The following FTCDNL1 variants were observed in gnomAD, a reference collection of about 807,000 sequenced individuals.
FTCDNL1 encodes the protein formiminotransferase N-terminal subdomain-containing protein.
FTCDNL1 carries 11 observed loss-of-function variants against 5.9 expected under a neutral mutation model. That is an observed-to-expected ratio of 1.87 (90% CI 1.18 to 3.10). FTCDNL1 has a LOEUF of 3.10. Among genes scored for constraint, FTCDNL1 ranks in the 30% most tolerant of loss-of-function variants. The pLI is 0.00. For synonymous variants in FTCDNL1, 58 were observed against 24.8 expected (o/e 2.34, Z -3.99); for missense variants, 115 against 65.5 (o/e 1.76, Z -2.61).
intron 3 of FTCDNL1, among the ~76,000 whole-genome samples, chr2:199,787,363 T>A (rs1250021129): frequency 1.3e-5 from 2 of 152,060 alleles, no homozygotes; most frequent in African/African-American, 4.8e-5. Flanking sequence ...CTTGTATTTT[T>A]AGTAGAGACG....
the FTCDNL1 span, among the ~76,000 whole-genome samples, chr2:199,704,280 G>A: frequency 1.3e-5 from 2 of 152,144 alleles, no homozygotes; most frequent in Non-Finnish European, 2.9e-5. Context: ...ATAAAAGACA[G>A]AGAAAATCCA....
At chr2:199,827,844 G>C (rs1702127255) in intron 3 of FTCDNL1, among the ~76,000 whole-genome samples, 1 of 152,078 alleles carries the variant, frequency 6.6e-6, no homozygotes, top group Non-Finnish European at 1.5e-5. Flanking sequence ...TCCTAGGCTG[G>C]CATGTTCCTA....
At chr2:199,683,531 GCTGA>G in the FTCDNL1 span, among the ~76,000 whole-genome samples, 1 of 150,936 alleles carries the variant, frequency 6.6e-6, no homozygotes, top group Non-Finnish European at 1.5e-5. Context: ...GATAATCCCA[GCTGA>G]CTGAGATTTC....
chr2:199,831,041 G>C (rs1246214189), intron 3 of FTCDNL1, among the ~76,000 whole-genome samples: 1 of 152,134 alleles, frequency 6.6e-6, no homozygotes, highest in African/African-American at 2.4e-5. Flanking sequence ...GGATGCTACT[G>C]TTTACTCCAT....
intron 3 of FTCDNL1, among the ~76,000 whole-genome samples, chr2:199,771,734 T>G (rs1353709616): frequency 2.6e-5 from 4 of 152,240 alleles, no homozygotes; most frequent in Admixed American, 2.6e-4. Context: ...GCAAGCAATG[T>G]TATGATTTTC....
the FTCDNL1 span, among the ~76,000 whole-genome samples, chr2:199,715,093 T>TA: frequency 6.6e-6 from 1 of 151,756 alleles, no homozygotes. Context: ...TAAAGTATAA[T>TA]AAAAAATAAT....
the FTCDNL1 span, among the ~76,000 whole-genome samples, chr2:199,676,296 A>G: frequency 6.6e-6 from 1 of 152,094 alleles, no homozygotes; most frequent in African/African-American, 2.4e-5. Flanking sequence ...TTCTATTTTC[A>G]TTTAAATTGG....
At chr2:199,675,156 C>T in the FTCDNL1 span, among the ~76,000 whole-genome samples, 1 of 152,194 alleles carries the variant, frequency 6.6e-6, no homozygotes, top group Non-Finnish European at 1.5e-5. Context: ...GCATGATCAT[C>T]CCTATCTACC....
chr2:199,844,910 A>T (rs1398867655), intron 3 of FTCDNL1, among the ~76,000 whole-genome samples: 3 of 151,418 alleles, frequency 2.0e-5, no homozygotes, highest in Admixed American at 2.0e-4. Flanking sequence ...CACAAACATA[A>T]TTTTTTTTTA....
the FTCDNL1 span, among the ~76,000 whole-genome samples, chr2:199,697,942 C>G: frequency 3.9e-5 from 6 of 152,152 alleles, no homozygotes; most frequent in East Asian, 1.9e-4. Flanking sequence ...AAAAATCTAT[C>G]AAGCAAATGG....
the FTCDNL1 span, among the ~76,000 whole-genome samples, chr2:199,722,010 T>C: frequency 1.2e-4 from 19 of 152,352 alleles, no homozygotes; most frequent in African/African-American, 3.8e-4. Context: ...AAGTTCCTTG[T>C]AGATTCTGGA....
chr2:199,678,496 G>T, the FTCDNL1 span, among the ~76,000 whole-genome samples: 1 of 151,892 alleles, frequency 6.6e-6, no homozygotes, highest in African/African-American at 2.4e-5. Flanking sequence ...TATTATATAA[G>T]CCATATTTTT....
At chr2:199,845,795 T>G (rs187336461) in intron 3 of FTCDNL1, among the ~76,000 whole-genome samples, 1 of 151,512 alleles carries the variant, frequency 6.6e-6, no homozygotes, top group Non-Finnish European at 1.5e-5. Context: ...CCTGAAGATG[T>G]CTTTTCTTAA....
chr2:199,786,802 AC>A (rs1301816515), intron 3 of FTCDNL1, among the ~76,000 whole-genome samples: 1 of 152,226 alleles, frequency 6.6e-6, no homozygotes, highest in Non-Finnish European at 1.5e-5. Context: ...ACAAGTTGCT[AC>A]CATCATAATG....
chr2:199,707,552 G>T, the FTCDNL1 span, among the ~76,000 whole-genome samples: 1 of 150,342 alleles, frequency 6.7e-6, no homozygotes, highest in African/African-American at 2.4e-5. Context: ...TGATAATTTG[G>T]TTTTTCTCTC....
chr2:199,800,444 C>T (rs1700385843), intron 3 of FTCDNL1, among the ~76,000 whole-genome samples: 3 of 152,044 alleles, frequency 2.0e-5, no homozygotes, highest in African/African-American at 2.4e-5. Context: ...GAAGCTTACA[C>T]CATTTTGAGT....
At chr2:199,717,664 G>C in the FTCDNL1 span, among the ~76,000 whole-genome samples, 1 of 151,838 alleles carries the variant, frequency 6.6e-6, no homozygotes, top group Non-Finnish European at 1.5e-5. Context: ...AAGGCTTAGT[G>C]GTCATGGAGG....
chr2:199,708,190 A>G, the FTCDNL1 span, among the ~76,000 whole-genome samples: 1 of 151,956 alleles, frequency 6.6e-6, no homozygotes, highest in African/African-American at 2.4e-5. Flanking sequence ...TTTTTATTCT[A>G]CATTGTCTAA....
At chr2:199,848,996 G>GATTCTAGAGAATCAA in intron 1 of FTCDNL1, 27 bp from the exon 2 acceptor site, 6 of 682,568 alleles carry the variant, frequency 8.8e-6, no homozygotes, top group Non-Finnish European at 1.6e-5. Context: ...ATTTTTATGT[G>GATTCTAGAGAATCAA]TCTCTAGAGT....
Sources: allele counts gnomAD v4.1 joint callset (sites outside exome capture counted in the v4.1 genomes callset), GRCh38; gene constraint gnomAD v4.1.1; transcripts MANE v1.5; gene names NCBI Gene and HGNC (gene_info 2026-07-23, HGNC 2026-07-21).